The following NCOA1 variants were observed in gnomAD, a reference collection of about 807,000 sequenced individuals.
NCOA1 encodes nuclear receptor coactivator 1.
A neutral mutation model predicts 150.9 loss-of-function variants in NCOA1; 35 were observed. The ratio of observed to expected loss-of-function variants is 0.23; its 90% CI spans 0.18 to 0.31. The LOEUF is 0.31. NCOA1 is among the 10% of genes least tolerant of loss of function. The probability of loss-of-function intolerance (pLI) is 1.00; values close to 1 mark genes in which losing one functional copy is unlikely to be tolerated. For synonymous variants in NCOA1, 590 were observed against 630.0 expected, an observed-to-expected ratio of 0.94 and a Z score of 0.95; for missense variants, 1,491 against 1,749.3, an observed-to-expected ratio of 0.85 and a Z score of 2.63.
intron 21 of NCOA1, 65 bp from the exon 22 acceptor site, chr2:24,762,622 T>G: frequency 1.5e-6 from 2 of 1,369,920 alleles, no homozygotes; most frequent in Non-Finnish European, 2.1e-6. Context: ...TGTTTTTCAT[T>G]GGAGAATTTG....
At chr2:24,657,660 CA>C (rs1337633351) in intron 4 of NCOA1, among the ~76,000 whole-genome samples, 1 of 152,166 alleles carries the variant, frequency 6.6e-6, no homozygotes, top group Non-Finnish European at 1.5e-5. Flanking sequence ...TTTACTCAGA[CA>C]TACCAGTTAA....
chr2:24,751,966 T>C lies in NCOA1; in HGVS notation c.3707-16T>C. The C allele has an allele frequency of 6.2e-7, 1 of 1,600,552 alleles. No individual in the cohort carries two copies. Among genetic ancestry groups the C allele is most frequent in the Non-Finnish European group, 8.5e-7 (1 of 1,174,148 alleles). ...TTATAGTGTATCAACATAAATTAAT[T>C]TGTGTCAATTTACAGGAATGGTTCC... On this transcript the variant is annotated splice_polypyrimidine_tract_variant and intron_variant, in intron 19 of 22. Coordinates refer to ENST00000348332, the MANE Select transcript of NCOA1 (RefSeq NM_003743.5).
intron 1 of NCOA1, among the ~76,000 whole-genome samples, chr2:24,505,788 G>C (rs1663668064): frequency 6.6e-6 from 1 of 152,172 alleles, no homozygotes; most frequent in African/African-American, 2.4e-5. Flanking sequence ...GTGATGACCT[G>C]AGCAGGTTGA....
chr2:24,589,255 T>A (rs1477558524), intron 3 of NCOA1, among the ~76,000 whole-genome samples: 1 of 152,146 alleles, frequency 6.6e-6, no homozygotes, highest in Non-Finnish European at 1.5e-5. Flanking sequence ...ACCAGAACTG[T>A]CTGAGACCTG....
At chr2:24,647,501 A>C (rs1670527014) in intron 4 of NCOA1, among the ~76,000 whole-genome samples, 1 of 152,224 alleles carries the variant, frequency 6.6e-6, no homozygotes, top group South Asian at 2.1e-4. Flanking sequence ...AGTGATAGGC[A>C]CATGGTAAAT....
At chr2:24,760,306 A>AT (rs70947842) in intron 21 of NCOA1, among the ~76,000 whole-genome samples, 3,417 of 99,770 alleles carry the variant, frequency 0.034, 59 homozygotes, top group East Asian at 0.088. Flanking sequence ...TGCCCGGCTA[A>AT]TTTTTTTTTT....
intron 22 of NCOA1, among the ~76,000 whole-genome samples, chr2:24,763,776 A>G (rs1664914672): frequency 6.6e-6 from 1 of 151,382 alleles, no homozygotes. Context: ...GCCCGCCACC[A>G]TGCCCGGCTA....
At chr2:24,512,166 C>G (rs1663962283) in intron 1 of NCOA1, among the ~76,000 whole-genome samples, 1 of 152,170 alleles carries the variant, frequency 6.6e-6, no homozygotes, top group Non-Finnish European at 1.5e-5. Context: ...GCATCTGTGA[C>G]AGAAGAGCTT....
At chr2:24,624,432 T>G (rs957575497) in intron 3 of NCOA1, among the ~76,000 whole-genome samples, 6 of 152,242 alleles carry the variant, frequency 3.9e-5, no homozygotes, top group Admixed American at 2.6e-4. Flanking sequence ...GCTTTTATTT[T>G]TAGAAAGTAG....
intron 1 of NCOA1, among the ~76,000 whole-genome samples, chr2:24,551,466 AGT>A (rs987896361): frequency 1.3e-5 from 2 of 152,156 alleles, no homozygotes; most frequent in African/African-American, 4.8e-5. Flanking sequence ...ATTTTAATAA[AGT>A]GTTATTTTTT....
intron 6 of NCOA1, among the ~76,000 whole-genome samples, chr2:24,666,772 A>G (rs1671451303): frequency 6.6e-6 from 1 of 152,016 alleles, no homozygotes; most frequent in Non-Finnish European, 1.5e-5. Flanking sequence ...AGCTGGGATT[A>G]CAAGTGCGCG....
intron 3 of NCOA1, among the ~76,000 whole-genome samples, chr2:24,639,233 A>G (rs1177383930): frequency 1.3e-5 from 2 of 152,102 alleles, no homozygotes; most frequent in East Asian, 1.9e-4. Flanking sequence ...TTTAATTACA[A>G]ATTTATTTAA....
At chr2:24,768,056 G>T in intron 22 of NCOA1, 165 bp from the exon 23 acceptor site, 4 of 1,612,598 alleles carry the variant, frequency 2.5e-6, no homozygotes, top group Non-Finnish European at 3.4e-6. Flanking sequence ...AGCAAAATGA[G>T]TGCAGCGATT....
intron 1 of NCOA1, among the ~76,000 whole-genome samples, chr2:24,557,013 G>T (rs1364671626): frequency 1.3e-5 from 2 of 149,290 alleles, no homozygotes; most frequent in Non-Finnish European, 3.0e-5. Context: ...TTGTTGGGTT[G>T]GGGGGGGTGG....
chr2:24,740,925 GA>G (rs974876862), intron 18 of NCOA1, among the ~76,000 whole-genome samples: 22 of 152,016 alleles, frequency 1.4e-4, no homozygotes, highest in Non-Finnish European at 2.8e-4. Context: ...ATGTTACATT[GA>G]AAAAATGATT....
intron 8 of NCOA1, among the ~76,000 whole-genome samples, chr2:24,687,616 T>A (rs1672468601): frequency 6.6e-6 from 1 of 152,118 alleles, no homozygotes; most frequent in Non-Finnish European, 1.5e-5. Flanking sequence ...GCAATTGCCT[T>A]CTTCACAAGG....
intron 14 of NCOA1, among the ~76,000 whole-genome samples, chr2:24,723,011 T>C (rs78953478): frequency 9.0e-6 from 1 of 111,564 alleles, no homozygotes. Flanking sequence ...AAAAAAAAAA[T>C]CCTTTGAAGT....
intron 1 of NCOA1, among the ~76,000 whole-genome samples, chr2:24,521,391 C>A (rs1664412717): frequency 1.3e-5 from 2 of 152,124 alleles, no homozygotes; most frequent in Admixed American, 1.3e-4. Flanking sequence ...CCATTCCCAC[C>A]CCTTCCTGTC....
At chr2:24,683,457 G>A (rs977327235) in intron 8 of NCOA1, among the ~76,000 whole-genome samples, 7 of 152,120 alleles carry the variant, frequency 4.6e-5, no homozygotes, top group African/African-American at 7.2e-5. Context: ...AGAAAGAGAG[G>A]GAGTGAGAAG....
Sources: allele counts gnomAD v4.1 joint callset (sites outside exome capture counted in the v4.1 genomes callset), GRCh38; gene constraint gnomAD v4.1.1; transcripts MANE v1.5; gene names NCBI Gene and HGNC (gene_info 2026-07-23, HGNC 2026-07-21).